The following DTNA variants were observed in gnomAD, a reference collection of about 807,000 sequenced individuals.
DTNA encodes dystrobrevin alpha.
In DTNA, 43 loss-of-function variants were observed where a neutral mutation model predicts 100.7. That is an observed-to-expected ratio of 0.43 (90% CI 0.33 to 0.55). DTNA has a LOEUF of 0.55. DTNA is among the 20% of genes least tolerant of loss of function. The pLI is 0.04. For synonymous variants in DTNA, 349 were observed against 347.9 expected (o/e 1.00, Z -0.04); for missense variants, 798 against 953.9 (o/e 0.84, Z 2.15).
At chr18:34,713,217 G>A (rs531311111) in intron 1 of DTNA, among the ~76,000 whole-genome samples, 6 of 152,040 alleles carry the variant, frequency 3.9e-5, no homozygotes, top group Non-Finnish European at 7.4e-5. Context: ...GAAAGCTCTT[G>A]CCTCTTTGTG....
intron 1 of DTNA, among the ~76,000 whole-genome samples, chr18:34,748,731 G>A (rs1368686250): frequency 6.6e-6 from 1 of 152,062 alleles, no homozygotes; most frequent in Admixed American, 6.6e-5. Context: ...ATTTGAGGTC[G>A]GGTAATGTGA....
At chr18:34,675,948 C>A (rs1367867864) in intron 1 of DTNA, among the ~76,000 whole-genome samples, 1 of 152,082 alleles carries the variant, frequency 6.6e-6, no homozygotes, top group African/African-American at 2.4e-5. Flanking sequence ...AGTGGCAGTA[C>A]AGGGGAATAT....
intron 1 of DTNA, among the ~76,000 whole-genome samples, chr18:34,580,106 T>C (rs749984820): frequency 4.6e-5 from 7 of 152,176 alleles, no homozygotes; most frequent in African/African-American, 1.7e-4. Context: ...GCTGTTCAAC[T>C]CCCTGAATGA....
chr18:34,739,499 A>G (rs2090235343), intron 1 of DTNA, among the ~76,000 whole-genome samples: 1 of 152,218 alleles, frequency 6.6e-6, no homozygotes, highest in Non-Finnish European at 1.5e-5. Context: ...GATGTGCCAC[A>G]GAGCAATGAT....
chr18:34,755,543 G>A (rs905519706), intron 1 of DTNA: 5 of 213,104 alleles, frequency 2.3e-5, no homozygotes, highest in South Asian at 1.5e-4. Context: ...GAATCCAAAC[G>A]TCTGCATCCT....
chr18:34,564,624 G>T (rs918726125), intron 1 of DTNA, among the ~76,000 whole-genome samples: 2 of 152,136 alleles, frequency 1.3e-5, no homozygotes, highest in Non-Finnish European at 2.9e-5. Flanking sequence ...TCTCCCATTC[G>T]TCTGTCTTTC....
chr18:34,584,307 C>T (rs901637184), intron 1 of DTNA, among the ~76,000 whole-genome samples: 7 of 152,102 alleles, frequency 4.6e-5, no homozygotes, highest in Admixed American at 3.3e-4. Flanking sequence ...CCAAAGCAAA[C>T]TAACCAACAA....
At chr18:34,648,328 T>A (rs1338373145) in intron 1 of DTNA, among the ~76,000 whole-genome samples, 1 of 152,170 alleles carries the variant, frequency 6.6e-6, no homozygotes, top group Non-Finnish European at 1.5e-5. Flanking sequence ...TATATTTTCA[T>A]TTTAAAAGAT....
chr18:34,853,219 C>T (rs561764618), intron 15 of DTNA, among the ~76,000 whole-genome samples: 3 of 152,252 alleles, frequency 2.0e-5, no homozygotes, highest in Non-Finnish European at 2.9e-5. Context: ...AACGCAATTA[C>T]GTTTGCACCA....
intron 3 of DTNA, among the ~76,000 whole-genome samples, chr18:34,783,307 A>G (rs1399640933): frequency 6.6e-6 from 1 of 152,200 alleles, no homozygotes; most frequent in East Asian, 1.9e-4. Context: ...TTTAAGGAAT[A>G]CTGAATACCT....
At chr18:34,685,779 GT>G (rs1299553980) in intron 1 of DTNA, among the ~76,000 whole-genome samples, 5 of 152,172 alleles carry the variant, frequency 3.3e-5, no homozygotes, top group Admixed American at 3.3e-4. Flanking sequence ...AGCATGGAAT[GT>G]TTTTCCATTT....
At chr18:34,594,115 T>C (rs2050094366) in intron 1 of DTNA, among the ~76,000 whole-genome samples, 1 of 151,852 alleles carries the variant, frequency 6.6e-6, no homozygotes, top group Non-Finnish European at 1.5e-5. Flanking sequence ...GTTATCTCAT[T>C]AATTCCAAGC....
rs1305955686 is a variant in DTNA, at chr18:34,496,238, A to ACACACG, written c.-2+2729_-2+2730insGCACAC. ...CACACACACACACACACACACACAC[A>ACACACG]CACACACCAGAATTATGGCTACATC... On this transcript the variant is annotated intron_variant, in intron 1 of 19. Coordinates refer to the DTNA transcript ENST00000283365. Among the ~76,000 whole-genome samples, 6 of 151,888 alleles carry ACACACG rather than the reference A, an allele frequency of 4.0e-5. No individual in the cohort carries two copies. The East Asian group carries it at 1.2e-3, about 29-fold the overall frequency.
intron 9 of DTNA, among the ~76,000 whole-genome samples, chr18:34,824,596 AAT>A (rs1417652220): frequency 6.6e-6 from 1 of 152,262 alleles, no homozygotes; most frequent in East Asian, 1.9e-4. Flanking sequence ...TTAGTCCTCT[AAT>A]ATATATTGCA....
intron 1 of DTNA, among the ~76,000 whole-genome samples, chr18:34,576,843 A>G (rs1366514948): frequency 6.6e-6 from 1 of 152,146 alleles, no homozygotes; most frequent in Non-Finnish European, 1.5e-5. Flanking sequence ...GCAAGGGACA[A>G]ACAGCCCATG....
At chr18:34,685,248 C>G (rs867993628) in intron 1 of DTNA, among the ~76,000 whole-genome samples, 27 of 152,228 alleles carry the variant, frequency 1.8e-4, no homozygotes, top group Admixed American at 8.5e-4. Context: ...GCCTGATTTT[C>G]TTCTTGGGTT....
chr18:34,791,393 C>T (rs1429374383), intron 3 of DTNA, among the ~76,000 whole-genome samples: 1 of 152,116 alleles, frequency 6.6e-6, no homozygotes, highest in African/African-American at 2.4e-5. Flanking sequence ...GTCATCAGCA[C>T]TGCTTTCTTT....
Position 34,553,304 on chromosome 18 carries a change from G to A in DTNA, c.-2+59790G>A, listed in dbSNP as rs1387978180. On this transcript the variant is annotated intron_variant, in intron 1 of 19. Transcript: ENST00000283365. Reference sequence around the variant, plus strand: ...GCCCTTTGTCAGATGAGTAGGTTGCGAAAATTTTCTCCCATTTTGTAGGTT... The same window carrying A: ...GCCCTTTGTCAGATGAGTAGGTTGCAAAAATTTTCTCCCATTTTGTAGGTT... Among the ~76,000 whole-genome samples, 7 of 151,574 alleles carry A rather than the reference G, an allele frequency of 4.6e-5. No homozygotes were observed. The East Asian group carries it at 5.8e-4, about 13-fold the overall frequency.
chr18:34,562,858 A>G (rs966191624), intron 1 of DTNA, among the ~76,000 whole-genome samples: 4 of 152,214 alleles, frequency 2.6e-5, no homozygotes, highest in Non-Finnish European at 5.9e-5. Context: ...GTGCACAGAT[A>G]ATTCTATGCT....
Sources: gnomAD v4.1 joint callset for allele counts (sites outside exome capture counted in the v4.1 genomes callset) on GRCh38, gnomAD v4.1.1 for gene constraint, MANE v1.5 for transcripts, NCBI Gene and HGNC (gene_info 2026-07-23, HGNC 2026-07-21) for gene names.